CEP89: variants seen among roughly 807,000 people sequenced by gnomAD.
The protein encoded by CEP89 is centrosomal protein of 89 kDa.
CEP89 carries 95 observed loss-of-function variants against 97.6 expected under a neutral mutation model. That is an observed-to-expected ratio of 0.97 (90% CI 0.82 to 1.15). The LOEUF is 1.15. Among genes scored for constraint, CEP89 ranks in the 50% most tolerant of loss-of-function variants. The probability of loss-of-function intolerance (pLI) is 0.00; values close to 1 mark genes in which losing one functional copy is unlikely to be tolerated. For missense variants in CEP89, 869 were observed against 947.7 expected, an observed-to-expected ratio of 0.92 and a Z score of 1.09; for synonymous variants, 354 against 349.1, an observed-to-expected ratio of 1.01 and a Z score of -0.16.
intron 5 of CEP89, among the ~76,000 whole-genome samples, chr19:32,948,064 T>C (rs923245267): frequency 6.6e-6 from 1 of 151,752 alleles, no homozygotes; most frequent in Non-Finnish European, 1.5e-5. Flanking sequence ...GCCTTGGCCT[T>C]CCAAAGTGCT....
intron 1 of CEP89, among the ~76,000 whole-genome samples, chr19:32,968,432 G>C (rs1353630530): frequency 6.6e-6 from 1 of 152,164 alleles, no homozygotes; most frequent in Non-Finnish European, 1.5e-5. Context: ...TATTTTGGTA[G>C]AGATGGGGTT....
chr19:32,953,655 C>A lies in CEP89; in HGVS notation c.452G>T (p.Gly151Val), dbSNP rs746138594. 1.9e-6 allele frequency: 3 copies of A among 1,613,928 alleles called. No homozygotes were observed. The highest frequency in any genetic ancestry group is 2.5e-6 in the Non-Finnish European group (3 of 1,179,970). ...CACAGCGTACAGGTCATCACTGTGG[C>A]CTCCTCTGTCCTCCCGGGCACTGAC... is the stretch of plus-strand genomic sequence containing the variant. Reference protein sequence around the residue: ...GDVSAREDRGGHSDDLYAVPH... With the variant: ...GDVSAREDRGVHSDDLYAVPH... The change falls in exon 4 of 19, where the codon GGC (glycine) becomes GTC (valine). Residue 151 changes from glycine (G) to valine (V), a missense_variant. Coordinates refer to ENST00000305768, the MANE Select transcript of CEP89 (RefSeq NM_032816.5).
intron 3 of CEP89, among the ~76,000 whole-genome samples, chr19:32,955,762 C>T (rs988360501): frequency 3.3e-5 from 5 of 152,152 alleles, no homozygotes; most frequent in African/African-American, 1.2e-4. Flanking sequence ...GATACGCCCG[C>T]CTCAGCCTCA....
At position 32,887,824 on chromosome 19, in the gene CEP89, A is replaced by G; in HGVS notation, c.1893T>C (p.Ser631=). Residue 631 remains serine, a synonymous_variant, in exon 17 of 19, where the codon AGT becomes AGC. Coordinates refer to ENST00000305768, the MANE Select transcript of CEP89 (RefSeq NM_032816.5). ...CTTTATTAAGCACTCCATCCTTCTC[A>G]CTTTCTAAACATTTTGCCTAGGGAG... The part of the protein sequence containing the change: ...SLMCLAKCLE[S]EKDGVLNKVI... The G allele has an allele frequency of 1.2e-6, 2 of 1,610,388 alleles. No homozygotes were observed. The highest frequency in any genetic ancestry group is 2.2e-5 in the South Asian group (2 of 90,708).
intron 16 of CEP89, among the ~76,000 whole-genome samples, chr19:32,897,779 C>T (rs1488130426): frequency 6.6e-6 from 1 of 152,132 alleles, no homozygotes; most frequent in Admixed American, 6.5e-5. Context: ...CCATGCTGGT[C>T]TCAAACTCCT....
At chr19:32,921,470 G>A (rs542893571) in intron 12 of CEP89, among the ~76,000 whole-genome samples, 18 of 152,334 alleles carry the variant, frequency 1.2e-4, no homozygotes, top group Non-Finnish European at 2.1e-4. Flanking sequence ...TGCTGGCGTG[G>A]GCCATCACAC....
intron 2 of CEP89, chr19:32,963,957 C>G (rs1256796932): frequency 6.6e-6 from 1 of 151,082 alleles, no homozygotes; most frequent in African/African-American, 2.4e-5. Context: ...CACACACACA[C>G]ACACACACAC....
intron 12 of CEP89, 79 bp from the exon 13 acceptor site, chr19:32,918,418 G>T: frequency 1.0e-6 from 1 of 969,310 alleles, no homozygotes; most frequent in Non-Finnish European, 1.7e-6. Context: ...CTAAAAGGAA[G>T]CAATGGCTGC....
chr19:32,912,501 G>A (rs1970021962), intron 14 of CEP89, among the ~76,000 whole-genome samples: 1 of 152,096 alleles, frequency 6.6e-6, no homozygotes, highest in Non-Finnish European at 1.5e-5. Context: ...CCAATGGGCT[G>A]GCCTGCCATA....
chr19:32,915,402 G>T lies in CEP89; in HGVS notation c.1500C>A (p.Leu500=). The change falls in exon 14 of 19, where the codon CTC becomes CTA. Residue 500 remains leucine (L), a synonymous_variant. Transcript: ENST00000305768. ...CGATTTTGCCATCCGAGTGTGTTTT[G>T]AGTTCTTGGCATTTGGCACGTAAAA... ...LEILRAKCQE[L]KTHSDGKIAV... 6.2e-6 allele frequency: 10 copies of T among 1,613,204 alleles called. No homozygotes were observed. Among genetic ancestry groups the T allele is most frequent in the Non-Finnish European group, 8.5e-6 (10 of 1,179,736 alleles).
At position 32,881,965 on chromosome 19, in the gene CEP89, G is replaced by T; in HGVS notation, c.2014C>A (p.Leu672Met). 1 of 1,589,568 alleles carries T rather than the reference G, an allele frequency of 6.3e-7. No homozygotes were observed. ...GCGAAGTCCTCCTGCTGCTCCAGCA[G>T]ACGGTGACTGATGTCCCCCAGCTTC... ...ALKLGDISHRLLEQQEDFAGK... is the reference protein window; with the variant it reads ...ALKLGDISHRMLEQQEDFAGK... Residue 672 changes from leucine (L) to methionine (M), a missense_variant, in exon 18 of 19, where the codon CTG becomes ATG. Transcript: ENST00000305768.
chr19:32,881,860 C>T lies in CEP89; in HGVS notation c.2119G>A (p.Ala707Thr). 6.2e-7 allele frequency: 1 copy of T among 1,603,494 alleles called. No individual in the cohort carries two copies. Among genetic ancestry groups the T allele is most frequent in the Non-Finnish European group, 8.5e-7 (1 of 1,178,860 alleles). The change falls in exon 18 of 19, where the codon GCG becomes ACG. Residue 707 changes from alanine (A) to threonine (T), a missense_variant. Coordinates refer to ENST00000305768, the MANE Select transcript of CEP89 (RefSeq NM_032816.5). ...LKDKQEVLDQALQQNREMEGE... is the reference protein window; with the variant it reads ...LKDKQEVLDQTLQQNREMEGE... Reference sequence around the variant, plus strand: ...ATGCCCCACCTGTTCTGCTGCAGCGCCTGGTCCAGCACCTCCTGCTTGTCC... The same window carrying T: ...ATGCCCCACCTGTTCTGCTGCAGCGTCTGGTCCAGCACCTCCTGCTTGTCC...
At chr19:32,957,999 A>C (rs1879839912) in intron 3 of CEP89, among the ~76,000 whole-genome samples, 1 of 136,766 alleles carries the variant, frequency 7.3e-6, no homozygotes, top group Non-Finnish European at 1.5e-5. Context: ...CTGTGTCAAA[A>C]CAAAACAAAA....
intron 14 of CEP89, among the ~76,000 whole-genome samples, chr19:32,906,248 T>G (rs1969885256): frequency 6.6e-6 from 1 of 152,208 alleles, no homozygotes; most frequent in South Asian, 2.1e-4. Context: ...TGTTTTCTAT[T>G]CGCCCCTTGC....
At chr19:32,881,558 A>G (rs1209027210) in intron 18 of CEP89, among the ~76,000 whole-genome samples, 1 of 152,146 alleles carries the variant, frequency 6.6e-6, no homozygotes, top group African/African-American at 2.4e-5. Context: ...AAAATGAGAC[A>G]AAATAAAAAT....
chr19:32,954,167 C>T (rs1295563065), intron 3 of CEP89, among the ~76,000 whole-genome samples: 1 of 152,038 alleles, frequency 6.6e-6, no homozygotes, highest in Non-Finnish European at 1.5e-5. Context: ...GCCACTGTGC[C>T]CGGCCAGTAT....
At chr19:32,920,645 G>T (rs922204815) in intron 12 of CEP89, among the ~76,000 whole-genome samples, 2 of 151,708 alleles carry the variant, frequency 1.3e-5, no homozygotes, top group Non-Finnish European at 2.9e-5. Context: ...CACCACACCT[G>T]GCTATTTTTT....
At chr19:32,922,849 A>C (rs921158611) in intron 12 of CEP89, among the ~76,000 whole-genome samples, 31 of 14,266 alleles carry the variant, frequency 2.2e-3, no homozygotes, top group African/African-American at 9.0e-3. Flanking sequence ...CTCTGTCTCA[A>C]AAAAAAAAAA....
chr19:32,893,021 T>C (rs902697593), intron 16 of CEP89, among the ~76,000 whole-genome samples: 2 of 150,852 alleles, frequency 1.3e-5, no homozygotes, highest in African/African-American at 2.4e-5. Flanking sequence ...ATGATAGGAG[T>C]AAGTCCTCGC....
Sources: gnomAD v4.1 joint callset for allele counts (sites outside exome capture counted in the v4.1 genomes callset) on GRCh38, gnomAD v4.1.1 for gene constraint, MANE v1.5 for transcripts, NCBI Gene and HGNC (gene_info 2026-07-23, HGNC 2026-07-21) for gene names.